The following SLC66A3 variants were observed in gnomAD, a reference collection of about 807,000 sequenced individuals.
The protein encoded by SLC66A3 is PQ loop repeat containing 3.
Under a neutral mutation model 25.5 loss-of-function variants are expected in SLC66A3, and 23 were observed. The observed-to-expected ratio is 0.90, with a 90% CI of 0.65 to 1.28. The LOEUF is 1.28. Among genes scored for constraint, SLC66A3 ranks in the 50% most tolerant of loss-of-function variants. SLC66A3 has a pLI of 0.00. For synonymous variants in SLC66A3, 108 were observed against 112.6 expected, an observed-to-expected ratio of 0.96 and a Z score of 0.26; for missense variants, 246 against 262.1, an observed-to-expected ratio of 0.94 and a Z score of 0.42.
intron 1 of SLC66A3, 148 bp downstream of exon 1, chr2:11,155,837 C>T: frequency 1.4e-6 from 1 of 689,756 alleles, no homozygotes; most frequent in East Asian, 3.4e-5. Context: ...ACTAGGGAGC[C>T]TAGGGGCTCG....
chr2:11,164,349 T>TTTG lies in SLC66A3; in HGVS notation c.354+90_354+91insGTT, dbSNP rs1662238612. ...TATTTATATATATATATATATATTT[T>TTTG]TTTTTTTTTGAAATGGAGTTTCACT... On this transcript the variant is annotated intron_variant, in intron 4 of 6. Transcript: ENST00000295083. 31 of 126,264 alleles carry TTTG rather than the reference T, an allele frequency of 2.5e-4. 3 individuals carry two copies. In the South Asian group the frequency reaches 8.5e-3, roughly 35 times the overall value. The allele number at this position is 126,264 out of a possible 1,614,324, so 7.8% of individuals were successfully genotyped here.
chr2:11,159,599 C>T (rs1466897613), intron 1 of SLC66A3, among the ~76,000 whole-genome samples: 1 of 152,160 alleles, frequency 6.6e-6, no homozygotes, highest in South Asian at 2.1e-4. Context: ...TCCTTCCCAG[C>T]TTAGGAGATT....
chr2:11,168,308 C>T (rs1402871788), intron 4 of SLC66A3, among the ~76,000 whole-genome samples: 1 of 151,220 alleles, frequency 6.6e-6, no homozygotes, highest in African/African-American at 2.4e-5. Flanking sequence ...CTCTCCGTGA[C>T]AGCTAAGCAT....
At chr2:11,172,810 TC>T (rs1022323904) in intron 5 of SLC66A3, 3 of 413,220 alleles carry the variant, frequency 7.3e-6, no homozygotes, top group African/African-American at 2.1e-5. Context: ...ACTGCGGGTT[TC>T]CAAGTAGCTG....
chr2:11,164,345 A>ATATATATAT, intron 4 of SLC66A3, 84 bp downstream of exon 4: 6 of 92,806 alleles, frequency 6.5e-5, no homozygotes, highest in African/African-American at 1.4e-4. Context: ...ATATATATAT[A>ATATATATAT]TTTTTTTTTT....
At chr2:11,167,739 C>T (rs539164551) in intron 4 of SLC66A3, among the ~76,000 whole-genome samples, 3 of 152,128 alleles carry the variant, frequency 2.0e-5, no homozygotes, top group East Asian at 1.9e-4. Context: ...GTCGTGGAGC[C>T]CCAGTGCAGG....
chr2:11,174,720 C>T (rs147153713), intron 5 of SLC66A3, among the ~76,000 whole-genome samples: 3 of 152,196 alleles, frequency 2.0e-5, no homozygotes, highest in South Asian at 2.1e-4. Context: ...AGGCTGGTCT[C>T]GAACTCCTGA....
At chr2:11,159,436 TG>T in intron 1 of SLC66A3, among the ~76,000 whole-genome samples, 1 of 152,142 alleles carries the variant, frequency 6.6e-6, no homozygotes, top group South Asian at 2.1e-4. Context: ...CTGGGCACGG[TG>T]GGGGCCCGCA....
intron 1 of SLC66A3, among the ~76,000 whole-genome samples, chr2:11,158,160 T>C (rs1661973570): frequency 6.6e-6 from 1 of 152,190 alleles, no homozygotes; most frequent in Non-Finnish European, 1.5e-5. Context: ...CAAATGGGGC[T>C]GTGTCAGATG....
chr2:11,169,100 C>T (rs1196337541), intron 4 of SLC66A3, among the ~76,000 whole-genome samples: 2 of 152,272 alleles, frequency 1.3e-5, no homozygotes, highest in East Asian at 1.9e-4. Context: ...TCAAGTGATC[C>T]TCCTGCCTTG....
chr2:11,155,731 AGCTGCTGCCG>A (rs2147977557), intron 1 of SLC66A3, 42 bp downstream of exon 1: 1 of 1,324,384 alleles, frequency 7.6e-7, no homozygotes, highest in Admixed American at 4.0e-5. Context: ...GCCCCCTCGC[AGCTGCTGCCG>A]GCTGGGAGCC....
chr2:11,172,066 G>A, intron 5 of SLC66A3, 21 bp downstream of exon 5: 1 of 1,612,738 alleles, frequency 6.2e-7, no homozygotes, highest in South Asian at 1.1e-5. Flanking sequence ...GACTCACATG[G>A]TGGGGAGGCC....
intron 4 of SLC66A3, among the ~76,000 whole-genome samples, chr2:11,165,882 G>A (rs182188625): frequency 2.5e-3 from 383 of 152,294 alleles, no homozygotes; most frequent in African/African-American, 7.7e-3. Flanking sequence ...CAGGCGTGGC[G>A]GCGCACGCCT....
At chr2:11,157,220 G>A (rs1368904290) in intron 1 of SLC66A3, among the ~76,000 whole-genome samples, 1 of 152,238 alleles carries the variant, frequency 6.6e-6, no homozygotes, top group African/African-American at 2.4e-5. Flanking sequence ...CTTAGTGAAA[G>A]CTAGACCTCT....
chr2:11,171,760 G>T (rs951384661), intron 4 of SLC66A3, among the ~76,000 whole-genome samples, 165 bp from the exon 5 acceptor site: 3 of 152,064 alleles, frequency 2.0e-5, no homozygotes, highest in Admixed American at 6.6e-5. Context: ...AGTAGAGACG[G>T]TGTTTCACCG....
intron 4 of SLC66A3, among the ~76,000 whole-genome samples, chr2:11,166,314 G>C (rs1662340854): frequency 6.6e-6 from 1 of 152,162 alleles, no homozygotes; most frequent in South Asian, 2.1e-4. Context: ...AAGGGCTCCT[G>C]AGGGTGGTTC....
At chr2:11,175,173 T>C (rs1282864807) in intron 6 of SLC66A3, among the ~76,000 whole-genome samples, 164 bp downstream of exon 6, 1 of 152,228 alleles carries the variant, frequency 6.6e-6, no homozygotes, top group Admixed American at 6.5e-5. Context: ...CCATTTTTAT[T>C]GTTAAGCCTC....
rs1279506655 is a variant in SLC66A3 at position 11,155,659 on chromosome 2, G to C, written c.113G>C (p.Ser38Thr). 3 of 1,477,002 alleles carry C rather than the reference G, an allele frequency of 2.0e-6. No individual in the cohort carries two copies. The South Asian group carries it at 3.9e-5, about 19-fold the overall frequency. The allele number at this position is 1,477,002 out of a possible 1,614,324, so 91.5% of individuals were successfully genotyped here. Residue 38 changes from serine (S) to threonine (T), a missense_variant, in exon 1 of 7, where the codon AGC (serine) becomes ACC (threonine). Ser to Thr is a moderately conservative substitution (Grantham distance 58). This residue lies in a region of SLC66A3 where 142 missense variants were observed against 130.3 expected (regional missense o/e 1.09). Transcript: ENST00000295083. ...VLAARSARGL[S>T]LPSLLLELAG... ...GCGGCGCGCAGCGCGCGGGGCCTCA[G>C]CCTTCCGAGTTTACTTCTGGAGCTG...
At chr2:11,164,103 C>A in intron 3 of SLC66A3, 101 bp from the exon 4 acceptor site, 2 of 690,480 alleles carry the variant, frequency 2.9e-6, no homozygotes, top group Non-Finnish European at 5.0e-6. Flanking sequence ...ACCCACCTGG[C>A]TTCTGCGTGC....
Sources: allele counts gnomAD v4.1 joint callset (sites outside exome capture counted in the v4.1 genomes callset), GRCh38; gene constraint gnomAD v4.1.1; regional missense constraint gnomAD v4.1.1; transcripts MANE v1.5; gene names NCBI Gene and HGNC (gene_info 2026-07-23, HGNC 2026-07-21).